The following NFXL1 variants were observed in gnomAD, a reference collection of about 807,000 sequenced individuals.
NFXL1 encodes NF-X1-type zinc finger protein NFXL1.
NFXL1 carries 66 observed loss-of-function variants against 123.3 expected under a neutral mutation model. The observed-to-expected ratio is 0.54, with a 90% CI of 0.44 to 0.66. The LOEUF (loss-of-function observed/expected upper bound fraction) is 0.66. NFXL1 is among the 30% of genes least tolerant of loss of function. The pLI, the probability that NFXL1 is intolerant of heterozygous loss-of-function variation, is 0.00. For missense variants in NFXL1, 944 were observed against 1,125.6 expected (o/e 0.84, Z 2.31); for synonymous variants, 346 against 360.8 (o/e 0.96, Z 0.46).
At chr4:47,866,627 A>G (rs1358833762) in intron 18 of NFXL1, among the ~76,000 whole-genome samples, 4 of 152,248 alleles carry the variant, frequency 2.6e-5, no homozygotes, top group Non-Finnish European at 5.9e-5. Context: ...CTGCTTATAC[A>G]GAAGTGTTAA....
chr4:47,848,367 T>C, intron 22 of NFXL1, 31 bp from the exon 23 acceptor site: 1 of 1,504,540 alleles, frequency 6.6e-7, no homozygotes, highest in Middle Eastern at 1.8e-4. Flanking sequence ...TTTAATTAAA[T>C]TCAATGCATA....
At chr4:47,884,063 T>C (rs537162161) in intron 15 of NFXL1, among the ~76,000 whole-genome samples, 6 of 152,362 alleles carry the variant, frequency 3.9e-5, no homozygotes, top group African/African-American at 1.2e-4. Flanking sequence ...GTTCCTTGGA[T>C]TTGTTTTTGT....
chr4:47,890,198 T>G (rs1223712882), intron 12 of NFXL1, among the ~76,000 whole-genome samples: 1 of 152,130 alleles, frequency 6.6e-6, no homozygotes, highest in Non-Finnish European at 1.5e-5. Context: ...GCTTCGGACA[T>G]ATCTAATCCT....
chr4:47,894,205 C>A lies in NFXL1; in HGVS notation c.1427G>T (p.Cys476Phe). ...CTTTCTTCTACATTGATGCTTCTGA[C>A]AGTCACGCATCTTAACACACTTAGT... ...CETKCVKMRD[C>F]QKHQCRRKCC... The change falls in exon 11 of 23, where the codon TGT becomes TTT. Residue 476 changes from cysteine (C) to phenylalanine (F), a missense_variant. Physicochemically the swap from Cys to Phe is radical, Grantham distance 205. Transcript: ENST00000507489. The A allele has an allele frequency of 1.2e-6, 2 of 1,604,306 alleles. No individual in the cohort carries two copies. Among genetic ancestry groups the A allele is most frequent in the Non-Finnish European group, 1.7e-6 (2 of 1,174,934 alleles).
intron 19 of NFXL1, among the ~76,000 whole-genome samples, chr4:47,858,115 T>C (rs1274364109): frequency 1.3e-5 from 2 of 152,200 alleles, no homozygotes; most frequent in African/African-American, 4.8e-5. Context: ...GTAACACCTC[T>C]AATCCTGAAA....
chr4:47,905,195 T>C (rs1339891421), intron 4 of NFXL1, 42 bp downstream of exon 4: 1 of 805,150 alleles, frequency 1.2e-6, no homozygotes, highest in Non-Finnish European at 2.1e-6. Context: ...AACTAAGGTA[T>C]TTTGGGGAGA....
intron 22 of NFXL1, among the ~76,000 whole-genome samples, chr4:47,850,543 A>G (rs1238947115): frequency 2.6e-5 from 4 of 152,128 alleles, no homozygotes; most frequent in Non-Finnish European, 5.9e-5. Context: ...AATAAAGTAA[A>G]TACTTAAACA....
chr4:47,907,236 A>G (rs1209716133), intron 3 of NFXL1, among the ~76,000 whole-genome samples: 6 of 152,226 alleles, frequency 3.9e-5, no homozygotes, highest in Non-Finnish European at 7.3e-5. Context: ...TCAGAAGGAA[A>G]GAGGGCTGTG....
chr4:47,893,173 A>C (rs1293470891), intron 11 of NFXL1, among the ~76,000 whole-genome samples: 1 of 152,174 alleles, frequency 6.6e-6, no homozygotes, highest in Non-Finnish European at 1.5e-5. Context: ...ACAGAAACAG[A>C]CTGAAAAATA....
intron 3 of NFXL1, among the ~76,000 whole-genome samples, chr4:47,908,954 C>CAAAAAAAA (rs11457014): frequency 1.1e-5 from 1 of 90,530 alleles, no homozygotes. Context: ...GACTCCGTCG[C>CAAAAAAAA]AAAAAAAAAA....
At chr4:47,881,245 G>A (rs1404941411) in intron 15 of NFXL1, among the ~76,000 whole-genome samples, 1 of 152,034 alleles carries the variant, frequency 6.6e-6, no homozygotes, top group Non-Finnish European at 1.5e-5. Flanking sequence ...TAATGGATAC[G>A]CTAATTGCCC....
intron 19 of NFXL1, among the ~76,000 whole-genome samples, chr4:47,856,580 G>C (rs970443731): frequency 6.6e-6 from 1 of 152,020 alleles, no homozygotes; most frequent in Non-Finnish European, 1.5e-5. Flanking sequence ...TCAAACTACT[G>C]ACTCCACTCA....
Position 47,848,336 on chromosome 4 carries a change from C to T in NFXL1, c.2563G>A (p.Ala855Thr). The change falls in exon 23 of 23, where the codon GCT (alanine) becomes ACT (threonine). Residue 855 changes from alanine to threonine, a missense_variant and splice_region_variant. Coordinates refer to ENST00000507489, the MANE Select transcript of NFXL1 (RefSeq NM_001278624.2). The part of the protein sequence containing the change: ...ALEEEKRRQQ[A>T]ELEAFENRLK... Reference sequence around the variant, plus strand: ...CTGTTTTCAAAAGCTTCTAGTTCAGCCTAAATAAAAACAGCATCATTTTAA... The same window carrying T: ...CTGTTTTCAAAAGCTTCTAGTTCAGTCTAAATAAAAACAGCATCATTTTAA... 1.3e-6 allele frequency: 2 copies of T among 1,588,012 alleles called. No homozygotes were observed. The highest frequency in any genetic ancestry group is 1.7e-6 in the Non-Finnish European group (2 of 1,166,680).
chr4:47,902,667 A>G (rs773209692), intron 5 of NFXL1, among the ~76,000 whole-genome samples: 14 of 152,202 alleles, frequency 9.2e-5, no homozygotes, highest in Non-Finnish European at 1.5e-5. Context: ...TGTTTTGCAC[A>G]GGAAAAATTA....
chr4:47,914,029 C>G lies in NFXL1; in HGVS notation c.175G>C (p.Ala59Pro), dbSNP rs1190247482. ...GCGGGGCTGTGCCTGCTCCCTGCAG[C>G]CGCCGTGGTCGCGACTCCTCCGGGA... ...TSPGGVATTA[A>P]AGSRHSPAGS... The change falls in exon 2 of 23, where the codon GCT becomes CCT. Residue 59 changes from alanine (A) to proline (P), a missense_variant. By Grantham distance (27) the Ala-to-Pro change is conservative. This residue lies in a region of NFXL1 where 303 missense variants were observed against 292.1 expected (regional missense o/e 1.04). Transcript: ENST00000507489. 1 of 1,548,950 alleles carries G rather than the reference C, an allele frequency of 6.5e-7. No individual in the cohort carries two copies. The highest frequency in any genetic ancestry group is 8.7e-7 in the Non-Finnish European group (1 of 1,146,912).
In NFXL1 at chr4:47,877,754, C is replaced by T. The variant is rs531112167; in HGVS notation, c.2079+771G>A. Among the ~76,000 whole-genome samples, 32 of 151,910 alleles carry T rather than the reference C, an allele frequency of 2.1e-4. No individual in the cohort carries two copies. The East Asian group carries it at 4.4e-3, about 21-fold the overall frequency. On this transcript the variant is annotated intron_variant, in intron 17 of 22. Transcript: ENST00000507489. ...AAAGACCAAAAAAATAACCTAACGACGCAACTAAAATTTTCAATAACATAA... is the reference window on the plus strand; with the variant it reads ...AAAGACCAAAAAAATAACCTAACGATGCAACTAAAATTTTCAATAACATAA...
At chr4:47,864,228 T>C (rs998036520) in intron 18 of NFXL1, among the ~76,000 whole-genome samples, 3 of 152,178 alleles carry the variant, frequency 2.0e-5, no homozygotes, top group Non-Finnish European at 4.4e-5. Context: ...TCAAGTTCTA[T>C]ATCTTTTACA....
intron 19 of NFXL1, among the ~76,000 whole-genome samples, chr4:47,859,653 C>T (rs1000811279): frequency 1.3e-5 from 2 of 151,760 alleles, no homozygotes; most frequent in African/African-American, 4.8e-5. Context: ...CCAGCCTAGC[C>T]AACATGGTGA....
intron 18 of NFXL1, among the ~76,000 whole-genome samples, chr4:47,870,424 T>C (rs1052874877): frequency 6.6e-6 from 1 of 152,166 alleles, no homozygotes; most frequent in African/African-American, 2.4e-5. Flanking sequence ...TACTCCAACA[T>C]GGTGACAAAG....
Sources: allele counts gnomAD v4.1 joint callset (sites outside exome capture counted in the v4.1 genomes callset), GRCh38; gene constraint gnomAD v4.1.1; regional missense constraint gnomAD v4.1.1; transcripts MANE v1.5; gene names NCBI Gene and HGNC (gene_info 2026-07-23, HGNC 2026-07-21).